Variants in CDADC1 observed in about 807,000 individuals in gnomAD.
CDADC1 encodes dCTP deaminase.
Under a neutral mutation model 54.9 loss-of-function variants are expected in CDADC1, and 39 were observed. The ratio of observed to expected loss-of-function variants is 0.71; its 90% CI spans 0.55 to 0.93. The LOEUF is 0.93. Ranked by LOEUF, CDADC1 falls within the 40% of genes least tolerant of loss-of-function variation. CDADC1 has a pLI of 0.00. For synonymous variants in CDADC1, 186 were observed against 204.0 expected (o/e 0.91, Z 0.75); for missense variants, 518 against 618.8 (o/e 0.84, Z 1.73).
intron 4 of CDADC1, among the ~76,000 whole-genome samples, chr13:49,262,152 C>T (rs1028214088): frequency 2.6e-5 from 4 of 152,150 alleles, no homozygotes; most frequent in South Asian, 2.1e-4. Flanking sequence ...CATAATAATA[C>T]TACCTTCAGG....
At chr13:49,289,507 T>C (rs1428896608) in intron 9 of CDADC1, among the ~76,000 whole-genome samples, 2 of 152,194 alleles carry the variant, frequency 1.3e-5, no homozygotes, top group African/African-American at 4.8e-5. Context: ...AAAGAATTTG[T>C]TGCTATATTG....
intron 8 of CDADC1, among the ~76,000 whole-genome samples, chr13:49,285,282 C>T (rs1336079279): frequency 6.6e-6 from 1 of 151,126 alleles, no homozygotes; most frequent in African/African-American, 2.4e-5. Flanking sequence ...GGGTTCTCGC[C>T]ATTCTCCTGC....
chr13:49,267,731 C>CA lies in CDADC1; in HGVS notation c.673dup (p.Thr225AsnfsTer2). On this transcript the variant is annotated frameshift_variant, in exon 5 of 10. Transcript: ENST00000251108. LOFTEE classifies it high-confidence loss of function. ...TTACAAAAACATTGCCGGATGCTAA[C>CA]ACTGACTTTTATTATGAATGTAAAC... 6.2e-7 allele frequency: 1 copy of CA among 1,611,506 alleles called. No homozygotes were observed. Among genetic ancestry groups the CA allele is most frequent in the Non-Finnish European group, 8.5e-7 (1 of 1,178,924 alleles).
chr13:49,273,282 G>A (rs984209441), intron 5 of CDADC1, among the ~76,000 whole-genome samples: 1 of 152,114 alleles, frequency 6.6e-6, no homozygotes, highest in African/African-American at 2.4e-5. Flanking sequence ...GTGAAACCAC[G>A]GTTTCAGTTA....
intron 7 of CDADC1, among the ~76,000 whole-genome samples, chr13:49,279,446 G>T (rs1298700506): frequency 6.6e-6 from 1 of 152,186 alleles, no homozygotes; most frequent in Non-Finnish European, 1.5e-5. Context: ...CAACGGTCTA[G>T]AAGTAGGAAA....
rs779300948 is a variant in CDADC1 at position 49,262,304 on chromosome 13, G to A, written c.430+2781G>A. On this transcript the variant is annotated intron_variant, in intron 4 of 9. Coordinates refer to ENST00000251108, the MANE Select transcript of CDADC1 (RefSeq NM_030911.4). Reference sequence around the variant, plus strand: ...CTAAAAATAGAAAAATTAGCTAGGCGTGGTGGTGCATGCCTGTAGTCCCAG... The same window carrying A: ...CTAAAAATAGAAAAATTAGCTAGGCATGGTGGTGCATGCCTGTAGTCCCAG... Among the ~76,000 whole-genome samples the A allele has an allele frequency of 1.1e-4, 16 of 151,968 alleles. No homozygotes were observed. In the South Asian group the frequency reaches 2.3e-3, roughly 22 times the overall value.
chr13:49,291,554 T>A, intron 9 of CDADC1, 130 bp from the exon 10 acceptor site: 1 of 768,354 alleles, frequency 1.3e-6, no homozygotes, highest in South Asian at 2.3e-5. Context: ...AATTGAGAAT[T>A]TGAAGATAAA....
At chr13:49,272,640 GT>G (rs2138233281) in intron 5 of CDADC1, among the ~76,000 whole-genome samples, 2 of 150,170 alleles carry the variant, frequency 1.3e-5, no homozygotes, top group South Asian at 4.2e-4. Flanking sequence ...GGAAATTTTT[GT>G]CAAGGATTTC....
chr13:49,274,530 G>T (rs1207082887), intron 6 of CDADC1, among the ~76,000 whole-genome samples, 190 bp downstream of exon 6: 1 of 151,964 alleles, frequency 6.6e-6, no homozygotes, highest in Non-Finnish European at 1.5e-5. Context: ...AATTAGCTGG[G>T]CGTGGTGGCG....
intron 2 of CDADC1, among the ~76,000 whole-genome samples, chr13:49,251,523 A>G (rs1220702808): frequency 1.3e-5 from 2 of 151,944 alleles, no homozygotes; most frequent in African/African-American, 4.8e-5. Flanking sequence ...CTGTTTTTTT[A>G]TATACACACC....
rs930185038 is a variant in CDADC1 at position 49,291,611 on chromosome 13, C to A, written c.1472-73C>A. The A allele has an allele frequency of 2.1e-6, 3 of 1,396,974 alleles. No individual in the cohort carries two copies. In the East Asian group the frequency reaches 7.2e-5, roughly 34 times the overall value. The allele number at this position is 1,396,974 out of a possible 1,614,324, so 86.5% of individuals were successfully genotyped here. A position where few individuals can be genotyped will look rare whatever the true frequency, so the allele number is the denominator to read the frequency against. ...CTTAAGCATTGTTTTGCTCTTACAA[C>A]ATGTAAGGCTGAAACAAGTGCCCAT... is the stretch of plus-strand genomic sequence containing the variant. On this transcript the variant is annotated intron_variant, in intron 9 of 9. Coordinates refer to ENST00000251108, the MANE Select transcript of CDADC1 (RefSeq NM_030911.4).
At chr13:49,253,698 A>G (rs1952482948) in intron 2 of CDADC1, among the ~76,000 whole-genome samples, 1 of 151,886 alleles carries the variant, frequency 6.6e-6, no homozygotes, top group Admixed American at 6.6e-5. Context: ...TTGTCTCCTT[A>G]TTTATTTATT....
rs1010127735 is a variant in CDADC1, at chr13:49,278,429, A to T, written c.1130A>T (p.Asp377Val). Residue 377 changes from aspartate to valine, a missense_variant, in exon 7 of 10, where the codon GAC becomes GTC. By Grantham distance (152) the Asp-to-Val change is radical. Coordinates refer to ENST00000251108, the MANE Select transcript of CDADC1 (RefSeq NM_030911.4). ...TTTCCTGTTGGATCTGAGTATGCTG[A>T]CTTCCCACACATGGATGACAAGCAG... ...NAFPVGSEYADFPHMDDKQKD... is the reference protein window; with the variant it reads ...NAFPVGSEYAVFPHMDDKQKD... 1.2e-6 allele frequency: 2 copies of T among 1,605,930 alleles called. No homozygotes were observed. The highest frequency in any genetic ancestry group is 1.7e-6 in the Non-Finnish European group (2 of 1,174,032).
intron 7 of CDADC1, 76 bp from the exon 8 acceptor site, chr13:49,280,431 AGT>A: frequency 3.3e-6 from 2 of 612,342 alleles, no homozygotes; most frequent in African/African-American, 3.7e-5. Flanking sequence ...GCTCAATTTT[AGT>A]GTTTAAAGAT....
Position 49,280,498 on chromosome 13 carries a change from T to A in CDADC1, c.1221-11T>A. On this transcript the variant is annotated splice_polypyrimidine_tract_variant and intron_variant, in intron 7 of 9. Coordinates refer to ENST00000251108, the MANE Select transcript of CDADC1 (RefSeq NM_030911.4). ...AACGACCTTTCTGATATTTTATAATTTTTTTTGTAGGTGTCAAGAAATAAA... is the reference window on the plus strand; with the variant it reads ...AACGACCTTTCTGATATTTTATAATATTTTTTGTAGGTGTCAAGAAATAAA... 1 of 1,365,746 alleles carries A rather than the reference T, an allele frequency of 7.3e-7. No individual in the cohort carries two copies. The highest frequency in any genetic ancestry group is 9.6e-7 in the Non-Finnish European group (1 of 1,037,244). The allele number at this position is 1,365,746 out of a possible 1,614,324, so 84.6% of individuals were successfully genotyped here.
intron 5 of CDADC1, among the ~76,000 whole-genome samples, chr13:49,272,660 T>TC: frequency 6.7e-6 from 1 of 149,088 alleles, no homozygotes; most frequent in Non-Finnish European, 1.5e-5. Flanking sequence ...TCTTTTTCTT[T>TC]TTTTTTTTTT....
intron 1 of CDADC1, 52 bp downstream of exon 1, chr13:49,248,171 G>A (rs1301533347): frequency 7.0e-7 from 1 of 1,437,932 alleles, no homozygotes; most frequent in South Asian, 1.2e-5. Flanking sequence ...TCTGCCCTGT[G>A]CGTCTCCCGT....
rs773656613 is a variant in CDADC1, at chr13:49,264,375, C to T, written c.431-3115C>T. On this transcript the variant is annotated intron_variant, in intron 4 of 9. Transcript: ENST00000251108. ...TCTATAAACACATGTAAATCTTCTG[C>T]AGAGCTTTAAAGAGCTCTGAAAGGG... Among the ~76,000 whole-genome samples the T allele has an allele frequency of 4.8e-4, 73 of 152,118 alleles. 1 individual carries two copies. The highest frequency in any genetic ancestry group is 6.8e-4 in the Non-Finnish European group (46 of 67,982).
At chr13:49,271,677 G>A (rs1380445216) in intron 5 of CDADC1, among the ~76,000 whole-genome samples, 1 of 151,588 alleles carries the variant, frequency 6.6e-6, no homozygotes. Context: ...GGAGCACCTT[G>A]GACACTGACA....
Sources: allele counts gnomAD v4.1 joint callset (sites outside exome capture counted in the v4.1 genomes callset), GRCh38; gene constraint gnomAD v4.1.1; transcripts MANE v1.5; gene names NCBI Gene and HGNC (gene_info 2026-07-23, HGNC 2026-07-21).